The following RANBP2 variants were observed in gnomAD, a reference collection of about 807,000 sequenced individuals.
RANBP2 encodes E3 SUMO-protein ligase RanBP2.
A neutral mutation model predicts 303.6 loss-of-function variants in RANBP2; 57 were observed. That is an observed-to-expected ratio of 0.19 (90% CI 0.15 to 0.23). The LOEUF (loss-of-function observed/expected upper bound fraction) is 0.23, where lower values mean the gene tolerates loss of function less well. Among genes scored for constraint, RANBP2 ranks in the 10% least tolerant of loss-of-function variants. The probability of loss-of-function intolerance (pLI) is 1.00; values close to 1 mark genes in which losing one functional copy is unlikely to be tolerated. For missense variants in RANBP2, 3,138 were observed against 3,780.8 expected, an observed-to-expected ratio of 0.83 and a Z score of 4.46; for synonymous variants, 1,167 against 1,301.5, an observed-to-expected ratio of 0.90 and a Z score of 2.23.
the RANBP2 span, among the ~76,000 whole-genome samples, chr2:109,418,300 A>T: frequency 6.6e-6 from 1 of 152,006 alleles, no homozygotes; most frequent in African/African-American, 2.4e-5. Context: ...AGCCCCTCTA[A>T]TGGAGTGTCC....
chr2:109,432,927 G>A, the RANBP2 span, among the ~76,000 whole-genome samples: 4 of 152,380 alleles, frequency 2.6e-5, no homozygotes, highest in African/African-American at 9.6e-5. Flanking sequence ...GAGGAGCAGG[G>A]ACAGGAAAGT....
chr2:109,291,609 C>T, the RANBP2 span, among the ~76,000 whole-genome samples: 135 of 152,346 alleles, frequency 8.9e-4, no homozygotes, highest in Admixed American at 2.2e-3. Context: ...CAGGCAGCTC[C>T]TCGTGGTGGG....
the RANBP2 span, among the ~76,000 whole-genome samples, chr2:109,125,585 AC>A: frequency 4.6e-5 from 7 of 151,846 alleles, no homozygotes; most frequent in South Asian, 8.3e-4. Flanking sequence ...AACCCTGACC[AC>A]CCCCCACCTT....
chr2:108,772,219 TTAAA>T (rs1446043484), intron 21 of RANBP2, among the ~76,000 whole-genome samples: 2 of 152,210 alleles, frequency 1.3e-5, no homozygotes, highest in Non-Finnish European at 2.9e-5. Context: ...AGCTGGACAG[TTAAA>T]TAAAAGTCTC....
chr2:109,163,842 T>G, the RANBP2 span, among the ~76,000 whole-genome samples: 1 of 152,180 alleles, frequency 6.6e-6, no homozygotes, highest in African/African-American at 2.4e-5. Flanking sequence ...TTTTCCATGA[T>G]CTCTCTGGTC....
At chr2:109,540,491 C>T in the RANBP2 span, among the ~76,000 whole-genome samples, 1 of 152,028 alleles carries the variant, frequency 6.6e-6, no homozygotes, top group African/African-American at 2.4e-5. Context: ...GGTCTCTCTT[C>T]ATCTCTAGCA....
chr2:108,901,185 A>G, the RANBP2 span, among the ~76,000 whole-genome samples: 1 of 152,248 alleles, frequency 6.6e-6, no homozygotes, highest in African/African-American at 2.4e-5. Context: ...ATATAAATAT[A>G]TAACAGAAAA....
At chr2:108,987,617 G>C in the RANBP2 span, among the ~76,000 whole-genome samples, 2 of 152,204 alleles carry the variant, frequency 1.3e-5, no homozygotes, top group Admixed American at 1.3e-4. Flanking sequence ...CCAAAGACTG[G>C]TCCTTCCAAG....
chr2:108,804,766 A>G, the RANBP2 span: 3 of 847,086 alleles, frequency 3.5e-6, no homozygotes, highest in East Asian at 3.0e-5. Context: ...TTGTGCTTGC[A>G]TACACTGATT....
At chr2:109,591,127 A>G in the RANBP2 span, among the ~76,000 whole-genome samples, 3 of 152,322 alleles carry the variant, frequency 2.0e-5, no homozygotes, top group Admixed American at 2.0e-4. Context: ...TTAGTCATGT[A>G]AGCATGTTAT....
intron 1 of RANBP2, among the ~76,000 whole-genome samples, chr2:108,723,208 C>A (rs1282451989): frequency 6.6e-6 from 1 of 152,000 alleles, no homozygotes; most frequent in South Asian, 2.1e-4. Flanking sequence ...AGCTATACTT[C>A]ATACTTCTGA....
Position 108,785,133 on chromosome 2 carries a change from A to T in RANBP2, c.*1232A>T, listed in dbSNP as rs996544279. On this transcript the variant is annotated 3_prime_UTR_variant, in exon 29 of 29. Transcript: ENST00000283195. ...CTCATTTTATTTAGTGAGGAAAGACAGGTTTATTCCCTGTTACATGGGGAT... is the reference window on the plus strand; with the variant it reads ...CTCATTTTATTTAGTGAGGAAAGACTGGTTTATTCCCTGTTACATGGGGAT... The T allele has an allele frequency of 2.0e-5, 3 of 152,246 alleles. No individual in the cohort carries two copies. The highest frequency in any genetic ancestry group is 4.8e-5 in the African/African-American group (2 of 41,468). The allele number at this position is 152,246 out of a possible 1,614,324, so 9.4% of individuals were successfully genotyped here. A position where few individuals can be genotyped will look rare whatever the true frequency, so the allele number is the denominator to read the frequency against.
At chr2:108,936,713 A>C in the RANBP2 span, among the ~76,000 whole-genome samples, 3 of 152,164 alleles carry the variant, frequency 2.0e-5, no homozygotes, top group African/African-American at 7.2e-5. Context: ...ATTTGATGTG[A>C]TTTACAGCTC....
the RANBP2 span, among the ~76,000 whole-genome samples, chr2:109,279,325 C>G: frequency 2.0e-5 from 3 of 152,200 alleles, no homozygotes; most frequent in African/African-American, 4.8e-5. Context: ...CAGTGGAGGG[C>G]TAGTGAAGGT....
chr2:109,674,300 A>C, the RANBP2 span, among the ~76,000 whole-genome samples: 1 of 151,016 alleles, frequency 6.6e-6, no homozygotes. Flanking sequence ...ATATTTCCTC[A>C]TCACAAAATA....
At chr2:109,139,255 G>C in the RANBP2 span, among the ~76,000 whole-genome samples, 12 of 152,150 alleles carry the variant, frequency 7.9e-5, no homozygotes, top group Non-Finnish European at 1.5e-5. Flanking sequence ...AGAGCATCAA[G>C]AATGTAGATT....
chr2:109,092,048 T>C, the RANBP2 span, among the ~76,000 whole-genome samples: 1 of 152,072 alleles, frequency 6.6e-6, no homozygotes, highest in Non-Finnish European at 1.5e-5. Context: ...GAGGATAGTT[T>C]GGGAGGGATA....
the RANBP2 span, among the ~76,000 whole-genome samples, chr2:109,709,751 G>T: frequency 6.6e-4 from 100 of 152,348 alleles, 1 homozygote; most frequent in East Asian, 0.019. Flanking sequence ...ACAAGTACTT[G>T]TATAATAAGA....
chr2:108,853,520 A>G, the RANBP2 span, among the ~76,000 whole-genome samples: 1 of 150,608 alleles, frequency 6.6e-6, no homozygotes, highest in South Asian at 2.1e-4. Context: ...TGGTTTACTG[A>G]TAGCTTTCTT....
Sources: gnomAD v4.1 joint callset for allele counts (sites outside exome capture counted in the v4.1 genomes callset) on GRCh38, gnomAD v4.1.1 for gene constraint, MANE v1.5 for transcripts, NCBI Gene and HGNC (gene_info 2026-07-23, HGNC 2026-07-21) for gene names.